Variants in ERCC6L2 observed in about 807,000 individuals in gnomAD.
The protein encoded by ERCC6L2 is DNA excision repair protein ERCC-6-like 2.
ERCC6L2 carries 77 observed loss-of-function variants against 132.0 expected under a neutral mutation model. The observed-to-expected ratio is 0.58, with a 90% confidence interval of 0.49 to 0.71. The LOEUF (loss-of-function observed/expected upper bound fraction) is 0.71, where lower values mean the gene tolerates loss of function less well. ERCC6L2 is among the 30% of genes least tolerant of loss of function. The pLI is 0.00. For missense variants in ERCC6L2, 1,542 were observed against 1,837.6 expected, an observed-to-expected ratio of 0.84 and a Z score of 2.94; for synonymous variants, 583 against 632.4, an observed-to-expected ratio of 0.92 and a Z score of 1.17.
At chr9:95,934,827 G>A (rs690222) in intron 11 of ERCC6L2, among the ~76,000 whole-genome samples, 90,014 of 151,906 alleles carry the variant, frequency 0.59, 26,895 homozygotes, top group East Asian at 0.79. Flanking sequence ...GAGCTTTGAA[G>A]GGATCAGGAG....
At chr9:95,990,080 C>T (rs1156405926) in intron 17 of ERCC6L2, among the ~76,000 whole-genome samples, 1 of 152,184 alleles carries the variant, frequency 6.6e-6, no homozygotes. Context: ...GGGCAATAAT[C>T]AATAAATGTT....
At chr9:95,975,792 ATGT>A (rs556407257) in intron 16 of ERCC6L2, among the ~76,000 whole-genome samples, 257 of 151,620 alleles carry the variant, frequency 1.7e-3, no homozygotes, top group African/African-American at 5.9e-3. Flanking sequence ...CTTTTTTAAA[ATGT>A]TGTTTTGTTT....
Position 95,928,802 on chromosome 9 carries a change from A to G in ERCC6L2, c.1689A>G (p.Arg563=), listed in dbSNP as rs752316953. The G allele has an allele frequency of 3.7e-6, 6 of 1,613,090 alleles. No individual in the cohort carries two copies. The highest frequency in any genetic ancestry group is 4.2e-6 in the Non-Finnish European group (5 of 1,179,438). ...ATGGAAGTACAAAATCAGAGGAAAG[A>G]CTCAAGATTGTAAAAGAGTTCAACA... ...RLDGSTKSEE[R]LKIVKEFNST... is the part of the protein sequence containing the mutation. The change falls in exon 11 of 19, where the codon AGA becomes AGG. Residue 563 remains arginine (R), a synonymous_variant. Transcript: ENST00000653738.
chr9:95,891,780 C>T (rs1395676798), intron 2 of ERCC6L2, among the ~76,000 whole-genome samples: 1 of 152,074 alleles, frequency 6.6e-6, no homozygotes, highest in Non-Finnish European at 1.5e-5. Context: ...TTTTGATTTG[C>T]ATTTCTGTAA....
rs921897483 is a variant in ERCC6L2, at chr9:96,015,279, C to T, written c.*2076C>T. On this transcript the variant is annotated 3_prime_UTR_variant, in exon 19 of 19. Coordinates refer to ENST00000653738, the MANE Select transcript of ERCC6L2 (RefSeq NM_020207.7). The stretch of plus-strand genomic sequence containing the variant: ...TTGGCTCACTGCAGCCTCCGCCCCC[C>T]GAGTCAAGCAATTCTCCTGCCTCAG... 3.3e-5 allele frequency among the ~76,000 whole-genome samples: 5 copies of T among 150,506 alleles called. No homozygotes were observed. Among genetic ancestry groups the T allele is most frequent in the Admixed American group, 6.6e-5 (1 of 15,248 alleles).
chr9:96,025,505 T>C (rs2133256116), intron 19 of ERCC6L2, among the ~76,000 whole-genome samples: 1 of 152,212 alleles, frequency 6.6e-6, no homozygotes, highest in South Asian at 2.1e-4. Flanking sequence ...AGTAGATGGG[T>C]GGTCTGAGTT....
chr9:95,886,211 T>C (rs1827858860), intron 2 of ERCC6L2, among the ~76,000 whole-genome samples: 1 of 152,122 alleles, frequency 6.6e-6, no homozygotes, highest in Admixed American at 6.5e-5. Flanking sequence ...GAGATGGGGT[T>C]TTCCCGAGTT....
At chr9:95,899,600 A>ATATATGTGTGTGTGTGTG (rs746946004) in intron 3 of ERCC6L2, among the ~76,000 whole-genome samples, 1 of 134,820 alleles carries the variant, frequency 7.4e-6, no homozygotes, top group African/African-American at 2.9e-5. Flanking sequence ...TTATATATAT[A>ATATATGTGTGTGTGTGTG]TGTGTGTGTG....
intron 18 of ERCC6L2, among the ~76,000 whole-genome samples, chr9:96,011,517 A>T (rs1257890478): frequency 2.0e-5 from 3 of 152,168 alleles, no homozygotes; most frequent in African/African-American, 7.2e-5. Flanking sequence ...CAGGTCCCTA[A>T]ATCTTTCTGC....
chr9:95,945,700 C>T lies in ERCC6L2; in HGVS notation c.1847+4151C>T, dbSNP rs568922169. Among the ~76,000 whole-genome samples, 7 of 152,250 alleles carry T rather than the reference C, an allele frequency of 4.6e-5. No individual in the cohort carries two copies. The South Asian group carries it at 6.2e-4, about 14-fold the overall frequency. ...CTGCCATGGCTTCAGCCAGTCCCTC[C>T]GTTCAGGGTCCCTGACTTCCCGCAA... is the stretch of plus-strand genomic sequence containing the variant. On this transcript the variant is annotated intron_variant, in intron 12 of 18. Coordinates refer to ENST00000653738, the MANE Select transcript of ERCC6L2 (RefSeq NM_020207.7).
At chr9:95,946,752 C>T (rs1392695282) in intron 12 of ERCC6L2, among the ~76,000 whole-genome samples, 1 of 152,164 alleles carries the variant, frequency 6.6e-6, no homozygotes, top group Admixed American at 6.5e-5. Flanking sequence ...TTTTCCGTGG[C>T]ATATGCTCAC....
At chr9:96,020,974 C>T (rs1381209755), downstream of ERCC6L2, 3 of 456,498 alleles carry the variant, frequency 6.6e-6, no homozygotes, top group Non-Finnish European at 1.3e-5. Flanking sequence ...GAGGGAACGG[C>T]GCACCGGGCC....
At chr9:95,885,027 A>G (rs1827792125) in intron 2 of ERCC6L2, among the ~76,000 whole-genome samples, 1 of 152,250 alleles carries the variant, frequency 6.6e-6, no homozygotes, top group South Asian at 2.1e-4. Flanking sequence ...ATATACATGT[A>G]CTTCTGTAAA....
chr9:95,894,190 AT>A, intron 2 of ERCC6L2, among the ~76,000 whole-genome samples: 1 of 146,468 alleles, frequency 6.8e-6, no homozygotes, highest in South Asian at 2.2e-4. Flanking sequence ...TTTATTGAAT[AT>A]TTTGCTAAAA....
chr9:95,948,545 CAGG>C (rs1564252188), intron 12 of ERCC6L2, among the ~76,000 whole-genome samples: 3 of 147,662 alleles, frequency 2.0e-5, no homozygotes. Flanking sequence ...CCCAGCTACT[CAGG>C]AGGCTGAGAA....
chr9:96,031,913 C>A (rs1014759959), intron 19 of ERCC6L2, among the ~76,000 whole-genome samples: 3 of 152,154 alleles, frequency 2.0e-5, no homozygotes, highest in Non-Finnish European at 4.4e-5. Context: ...ACATTCCCAC[C>A]CCTTCTTTAA....
intron 17 of ERCC6L2, among the ~76,000 whole-genome samples, chr9:95,986,486 A>AT (rs1004352824): frequency 2.8e-4 from 41 of 146,326 alleles, no homozygotes; most frequent in African/African-American, 1.0e-3. Context: ...TTGTCTTCAT[A>AT]TATCTCTCTC....
intron 11 of ERCC6L2, among the ~76,000 whole-genome samples, chr9:95,937,451 G>C (rs917606054): frequency 6.6e-6 from 1 of 152,050 alleles, no homozygotes; most frequent in African/African-American, 2.4e-5. Flanking sequence ...AAATTCTCCA[G>C]TGAAATCATC....
At chr9:96,035,925 G>C (rs111677803) in intron 19 of ERCC6L2, among the ~76,000 whole-genome samples, 1 of 152,306 alleles carries the variant, frequency 6.6e-6, no homozygotes, top group South Asian at 2.1e-4. Context: ...GTGATGTGCA[G>C]TGAAGGACTC....
Sources: allele counts gnomAD v4.1 joint callset (sites outside exome capture counted in the v4.1 genomes callset), GRCh38; gene constraint gnomAD v4.1.1; transcripts MANE v1.5; gene names NCBI Gene and HGNC (gene_info 2026-07-23, HGNC 2026-07-21).